SEMA3E: variants seen among roughly 807,000 people sequenced by gnomAD.
SEMA3E encodes the protein semaphorin-3E.
SEMA3E carries 49 observed loss-of-function variants against 93.6 expected under a neutral mutation model. The ratio of observed to expected loss-of-function variants is 0.52; its 90% CI spans 0.42 to 0.66. The LOEUF (loss-of-function observed/expected upper bound fraction) is 0.66, where lower values mean the gene tolerates loss of function less well. Ranked by LOEUF, SEMA3E falls within the 30% of genes least tolerant of loss-of-function variation. The pLI is 0.00. For missense variants in SEMA3E, 906 were observed against 964.8 expected, an observed-to-expected ratio of 0.94 and a Z score of 0.81; for synonymous variants, 363 against 330.7, an observed-to-expected ratio of 1.10 and a Z score of -1.06.
chr7:83,392,399 G>A (rs756184070), intron 14 of SEMA3E, among the ~76,000 whole-genome samples, 156 bp downstream of exon 14: 1 of 150,336 alleles, frequency 6.7e-6, no homozygotes, highest in Non-Finnish European at 1.5e-5. Flanking sequence ...AAACCTGGGT[G>A]AAAAAATAAA....
At chr7:83,584,994 T>C (rs1175505762) in intron 1 of SEMA3E, among the ~76,000 whole-genome samples, 1 of 152,162 alleles carries the variant, frequency 6.6e-6, no homozygotes, top group Non-Finnish European at 1.5e-5. Flanking sequence ...GTCGACATCC[T>C]CTGGCCCCTG....
At chr7:83,447,484 G>A (rs893433610) in intron 4 of SEMA3E, among the ~76,000 whole-genome samples, 1 of 152,156 alleles carries the variant, frequency 6.6e-6, no homozygotes. Context: ...GATGCAGTGA[G>A]CCGAGATCAT....
At chr7:83,490,485 GA>G (rs1790360627) in intron 1 of SEMA3E, among the ~76,000 whole-genome samples, 2 of 151,844 alleles carry the variant, frequency 1.3e-5, no homozygotes, top group South Asian at 4.1e-4. Flanking sequence ...TAATATGTAA[GA>G]AAAATATTCT....
In SEMA3E at chr7:83,367,615, G is replaced by A. The variant is rs1260752138; in HGVS notation, c.2299C>T (p.Arg767Cys). The part of the protein sequence containing the change: ...KKLRSKPEHY[R>C]LPRHTLDS Reference sequence around the variant, plus strand: ...GAGTCCAGCGTGTGCCTGGGCAGGCGGTAATGCTCAGGTTTGGAACGGAGC... The same window carrying A: ...GAGTCCAGCGTGTGCCTGGGCAGGCAGTAATGCTCAGGTTTGGAACGGAGC... Residue 767 changes from arginine (R) to cysteine (C), a missense_variant, in exon 17 of 17, where the codon CGC becomes TGC. Transcript: ENST00000643230. 16 of 1,613,978 alleles carry A rather than the reference G, an allele frequency of 9.9e-6. No individual in the cohort carries two copies. The highest frequency in any genetic ancestry group is 4.0e-5 in the African/African-American group (3 of 74,914).
chr7:83,624,026 C>T (rs215252), intron 1 of SEMA3E, among the ~76,000 whole-genome samples: 3,270 of 152,224 alleles, frequency 0.021, 112 homozygotes, highest in African/African-American at 0.074. Flanking sequence ...TTTCTAGCTT[C>T]ATCCATGTCC....
chr7:83,544,483 G>T (rs1013808123), intron 1 of SEMA3E, among the ~76,000 whole-genome samples: 2 of 152,068 alleles, frequency 1.3e-5, no homozygotes, highest in Non-Finnish European at 2.9e-5. Context: ...GATGAGAAAG[G>T]TTTCTGCTGT....
In SEMA3E at chr7:83,649,098, C is replaced by T. The variant is rs28569958; in HGVS notation, c.-556G>A. ...TCGCAGGATCCACCCAGCAGGGATGCAGTCTGTCAGTGGCTGTTTACAGGA... is the reference window on the plus strand; with the variant it reads ...TCGCAGGATCCACCCAGCAGGGATGTAGTCTGTCAGTGGCTGTTTACAGGA... On this transcript the variant is annotated 5_prime_UTR_variant, in exon 1 of 17. Transcript: ENST00000643230. 3,206 of 156,754 alleles carry T rather than the reference C, an allele frequency of 0.02. 102 individuals carry two copies. Among genetic ancestry groups the T allele is most frequent in the African/African-American group, 0.071 (2,964 of 41,520 alleles). 9.7% of individuals were successfully genotyped at this position (156,754 alleles called of 1,614,324 possible).
At chr7:83,503,050 G>A (rs1342779694) in intron 1 of SEMA3E, among the ~76,000 whole-genome samples, 1 of 148,130 alleles carries the variant, frequency 6.8e-6, no homozygotes, top group Admixed American at 6.8e-5. Flanking sequence ...TATGGGTCAA[G>A]GGCAGTGAAT....
intron 10 of SEMA3E, among the ~76,000 whole-genome samples, chr7:83,401,831 A>C (rs1228758489): frequency 6.6e-6 from 1 of 152,056 alleles, no homozygotes; most frequent in Non-Finnish European, 1.5e-5. Flanking sequence ...CTTGTGTGAC[A>C]AGTTAAATCT....
At chr7:83,528,962 A>G (rs1303439515) in intron 1 of SEMA3E, among the ~76,000 whole-genome samples, 1 of 152,140 alleles carries the variant, frequency 6.6e-6, no homozygotes, top group African/African-American at 2.4e-5. Context: ...TTAGATGATG[A>G]AAGTGTCATA....
At chr7:83,518,667 A>C (rs1790983583) in intron 1 of SEMA3E, among the ~76,000 whole-genome samples, 1 of 152,178 alleles carries the variant, frequency 6.6e-6, no homozygotes, top group South Asian at 2.1e-4. Context: ...AAAGAGAGGT[A>C]AAGGTGCGAC....
chr7:83,544,923 T>G (rs530170471), intron 1 of SEMA3E, among the ~76,000 whole-genome samples: 1 of 152,188 alleles, frequency 6.6e-6, no homozygotes, highest in Admixed American at 6.6e-5. Flanking sequence ...CTGAAAAAAT[T>G]GAATGTTTAA....
chr7:83,498,128 A>G (rs933493321), intron 1 of SEMA3E, among the ~76,000 whole-genome samples: 2 of 152,106 alleles, frequency 1.3e-5, no homozygotes, highest in Admixed American at 6.5e-5. Context: ...ATTTGATTGT[A>G]ACAATACAGT....
chr7:83,596,336 T>C (rs999835114), intron 1 of SEMA3E, among the ~76,000 whole-genome samples: 7 of 151,990 alleles, frequency 4.6e-5, no homozygotes, highest in African/African-American at 1.4e-4. Context: ...ATCAACCATT[T>C]CAACCACTTC....
intron 1 of SEMA3E, chr7:83,641,344 G>A: frequency 1.0e-6 from 1 of 984,098 alleles, no homozygotes; most frequent in Non-Finnish European, 1.2e-6. Flanking sequence ...GTTCATCTAA[G>A]GGAAGGCAAA....
intron 2 of SEMA3E, among the ~76,000 whole-genome samples, chr7:83,478,952 A>G (rs983571265): frequency 6.6e-6 from 1 of 152,162 alleles, no homozygotes; most frequent in Non-Finnish European, 1.5e-5. Flanking sequence ...TTTATTCATC[A>G]TGCTGCTGCC....
chr7:83,447,945 T>C (rs934576515), intron 4 of SEMA3E, among the ~76,000 whole-genome samples: 3 of 152,254 alleles, frequency 2.0e-5, no homozygotes, highest in Admixed American at 2.0e-4. Flanking sequence ...TCTATCTTTC[T>C]CTGTCCAGCT....
intron 1 of SEMA3E, among the ~76,000 whole-genome samples, chr7:83,647,817 T>C (rs1584385813): frequency 6.6e-6 from 1 of 152,316 alleles, no homozygotes; most frequent in East Asian, 1.9e-4. Context: ...ACTATTTTCC[T>C]TTGCCACACA....
At chr7:83,620,559 G>C (rs1365661680) in intron 1 of SEMA3E, among the ~76,000 whole-genome samples, 2 of 151,946 alleles carry the variant, frequency 1.3e-5, no homozygotes, top group African/African-American at 4.8e-5. Flanking sequence ...GAAAACTTCA[G>C]GCAAATATCC....
Sources: allele counts gnomAD v4.1 joint callset (sites outside exome capture counted in the v4.1 genomes callset), GRCh38; gene constraint gnomAD v4.1.1; transcripts MANE v1.5; gene names NCBI Gene and HGNC (gene_info 2026-07-23, HGNC 2026-07-21).